ZEB2: variants seen among roughly 807,000 people sequenced by gnomAD.
The protein encoded by ZEB2 is zinc finger E-box-binding homeobox 2.
A neutral mutation model predicts 99.9 loss-of-function variants in ZEB2; 6 were observed. The observed-to-expected ratio is 0.06, with a 90% CI of 0.03 to 0.12. The LOEUF (loss-of-function observed/expected upper bound fraction) is 0.12. Ranked by LOEUF, ZEB2 falls within the 10% of genes least tolerant of loss-of-function variation. The probability of loss-of-function intolerance (pLI) is 1.00; values close to 1 mark genes in which losing one functional copy is unlikely to be tolerated. For missense variants in ZEB2, 969 were observed against 1,502.8 expected (o/e 0.64, Z 5.87); for synonymous variants, 517 against 542.5 (o/e 0.95, Z 0.65).
At chr2:144,448,457 C>T (rs988062156) in intron 2 of ZEB2, among the ~76,000 whole-genome samples, 11 of 152,184 alleles carry the variant, frequency 7.2e-5, no homozygotes, top group Admixed American at 5.2e-4. Context: ...GAGTTTTCCA[C>T]TTTTCATCTG....
chr2:144,517,147 G>T, intron 2 of ZEB2, 131 bp downstream of exon 2: 1 of 1,022,790 alleles, frequency 9.8e-7, no homozygotes, highest in Non-Finnish European at 1.3e-6. Flanking sequence ...CGGCCGCGGA[G>T]GGAGGCTCGC....
chr2:144,495,853 G>C (rs972533351), intron 2 of ZEB2: 2 of 152,024 alleles, frequency 1.3e-5, no homozygotes, highest in Non-Finnish European at 2.9e-5. Flanking sequence ...ATGCAGAAAA[G>C]ATGGTCTGAA....
At chr2:144,426,500 A>G (rs1703692276) in intron 3 of ZEB2, 1 of 137,194 alleles carries the variant, frequency 7.3e-6, no homozygotes, top group Non-Finnish European at 1.5e-5. Flanking sequence ...AACAGTTAAC[A>G]GCATTTTTTT....
intron 4 of ZEB2, among the ~76,000 whole-genome samples, chr2:144,411,121 TATACACACACACAC>T (rs1296015823): frequency 1.9e-5 from 2 of 106,660 alleles, no homozygotes; most frequent in East Asian, 5.4e-4. Flanking sequence ...GCATCTCATA[TATACACACACACAC>T]ACACACACAC....
chr2:144,437,488 T>C (rs960068441), intron 2 of ZEB2, among the ~76,000 whole-genome samples: 2 of 152,188 alleles, frequency 1.3e-5, no homozygotes, highest in Non-Finnish European at 2.9e-5. Context: ...CAACTTGCTC[T>C]ATACAAACCA....
chr2:144,498,775 G>A (rs149527053), intron 2 of ZEB2, among the ~76,000 whole-genome samples: 32 of 152,228 alleles, frequency 2.1e-4, no homozygotes, highest in East Asian at 7.7e-4. Context: ...GGGAAGGCCC[G>A]AAACTAGGCC....
intron 4 of ZEB2, among the ~76,000 whole-genome samples, chr2:144,423,236 T>C (rs1453161321): frequency 2.0e-5 from 3 of 152,192 alleles, no homozygotes; most frequent in Non-Finnish European, 4.4e-5. Flanking sequence ...AAATTTTCTT[T>C]TGTGACACTT....
At chr2:144,471,957 GT>G (rs1479857996) in intron 2 of ZEB2, among the ~76,000 whole-genome samples, 15 of 152,026 alleles carry the variant, frequency 9.9e-5, no homozygotes, top group African/African-American at 3.4e-4. Context: ...GTTTTCATTT[GT>G]TTTATCTCCT....
intron 9 of ZEB2, among the ~76,000 whole-genome samples, chr2:144,391,428 C>G (rs1357312936): frequency 1.3e-5 from 2 of 152,170 alleles, no homozygotes; most frequent in South Asian, 2.1e-4. Context: ...GAAATAAAGA[C>G]AGTTCTAATA....
chr2:144,478,947 G>C (rs6724648), intron 2 of ZEB2, among the ~76,000 whole-genome samples: 92,211 of 151,968 alleles, frequency 0.61, 28,694 homozygotes, highest in Non-Finnish European at 0.69. Context: ...GAACCCAAAG[G>C]CAACTTTGCT....
At chr2:144,451,496 T>C (rs2149899945) in intron 2 of ZEB2, among the ~76,000 whole-genome samples, 1 of 152,366 alleles carries the variant, frequency 6.6e-6, no homozygotes, top group African/African-American at 2.4e-5. Context: ...TTTATTTTTC[T>C]TAGGTGTAGA....
intron 2 of ZEB2, among the ~76,000 whole-genome samples, chr2:144,478,042 C>G (rs1004462518): frequency 1.2e-4 from 18 of 152,138 alleles, no homozygotes; most frequent in African/African-American, 3.9e-4. Context: ...TCCCGTCACC[C>G]ATGGATGCCC....
intron 2 of ZEB2, among the ~76,000 whole-genome samples, chr2:144,465,245 T>C (rs1013669474): frequency 3.3e-5 from 5 of 152,212 alleles, no homozygotes; most frequent in Admixed American, 1.3e-4. Flanking sequence ...CAGTAAACTA[T>C]GAGCACTGAG....
intron 2 of ZEB2, among the ~76,000 whole-genome samples, chr2:144,510,143 A>AT (rs143786993): frequency 0.085 from 12,777 of 150,912 alleles, 1,059 homozygotes; most frequent in East Asian, 0.38. Flanking sequence ...TTTTCAGAGA[A>AT]TTTTTTTTTT....
intron 2 of ZEB2, among the ~76,000 whole-genome samples, chr2:144,453,953 A>C (rs1476308224): frequency 6.6e-6 from 1 of 152,214 alleles, no homozygotes; most frequent in Non-Finnish European, 1.5e-5. Context: ...ATGACAGCGC[A>C]ATGCCGTGTT....
At position 144,389,474 on chromosome 2, in the gene ZEB2, C is replaced by T; in HGVS notation, c.3622G>A (p.Asp1208Asn). ...KMETKSDHEE[D>N]NMEDGM is the part of the protein sequence containing the mutation. Reference sequence around the variant, plus strand: ...TATTACATGCCATCTTCCATATTGTCTTCCTCGTGGTCTGATTTGGTTTCC... The same window carrying T: ...TATTACATGCCATCTTCCATATTGTTTTCCTCGTGGTCTGATTTGGTTTCC... The change falls in exon 10 of 10, where the codon GAC (aspartate) becomes AAC (asparagine). Residue 1208 changes from aspartate to asparagine, a missense_variant. By Grantham distance (23) the Asp-to-Asn change is conservative. Coordinates refer to ENST00000627532, the MANE Select transcript of ZEB2 (RefSeq NM_014795.4). The surrounding 1 kb of genome is among the most constrained non-coding windows in gnomAD (Gnocchi z 6.8). The T allele has an allele frequency of 6.2e-7, 1 of 1,614,114 alleles. No homozygotes were observed. The highest frequency in any genetic ancestry group is 8.5e-7 in the Non-Finnish European group (1 of 1,180,014).
intron 2 of ZEB2, among the ~76,000 whole-genome samples, chr2:144,507,113 T>G (rs765865189): frequency 1.6e-4 from 24 of 152,258 alleles, no homozygotes; most frequent in Non-Finnish European, 3.1e-4. Context: ...TGTTTACTGT[T>G]TGATTAAAAG....
chr2:144,395,516 C>T (rs1029037265), intron 9 of ZEB2, among the ~76,000 whole-genome samples: 2 of 152,052 alleles, frequency 1.3e-5, no homozygotes, highest in East Asian at 1.9e-4. Context: ...TTTTCCCCCC[C>T]GATCCAGGGC....
chr2:144,404,552 A>C (rs1231946080), intron 5 of ZEB2, among the ~76,000 whole-genome samples: 1 of 152,158 alleles, frequency 6.6e-6, no homozygotes, highest in Non-Finnish European at 1.5e-5. Context: ...TTTTCCTCAA[A>C]AGTAAAATAT....
Sources: allele counts gnomAD v4.1 joint callset (sites outside exome capture counted in the v4.1 genomes callset), GRCh38; gene constraint gnomAD v4.1.1; non-coding constraint Gnocchi (gnomAD v3.1); transcripts MANE v1.5; gene names NCBI Gene and HGNC (gene_info 2026-07-23, HGNC 2026-07-21).